The following SNTG1 variants were observed in gnomAD, a reference collection of about 807,000 sequenced individuals.
SNTG1 encodes the protein gamma-1-syntrophin.
In SNTG1, 39 loss-of-function variants were observed where a neutral mutation model predicts 74.7. The ratio of observed to expected loss-of-function variants is 0.52; its 90% CI spans 0.40 to 0.68. The LOEUF (loss-of-function observed/expected upper bound fraction) is 0.68, where lower values mean the gene tolerates loss of function less well. Among genes scored for constraint, SNTG1 ranks in the 30% least tolerant of loss-of-function variants. The probability of loss-of-function intolerance (pLI) is 0.00; values close to 1 mark genes in which losing one functional copy is unlikely to be tolerated. For missense variants in SNTG1, 685 were observed against 609.5 expected (o/e 1.12, Z -1.30); for synonymous variants, 254 against 217.1 (o/e 1.17, Z -1.49).
intron 11 of SNTG1, among the ~76,000 whole-genome samples, chr8:50,549,910 G>A (rs1210520140): frequency 1.3e-5 from 2 of 152,026 alleles, no homozygotes; most frequent in Non-Finnish European, 2.9e-5. Flanking sequence ...GAATCACATC[G>A]TTTCTAATGA....
At chr8:49,964,982 G>A (rs752294760) in intron 1 of SNTG1, among the ~76,000 whole-genome samples, 24 of 152,118 alleles carry the variant, frequency 1.6e-4, no homozygotes, top group Non-Finnish European at 2.9e-4. Context: ...TAGTTATTAA[G>A]GCAAGTTAAA....
intron 3 of SNTG1, among the ~76,000 whole-genome samples, chr8:50,394,846 C>CTCTT (rs2092707092): frequency 1.4e-5 from 2 of 143,556 alleles, no homozygotes; most frequent in African/African-American, 5.1e-5. Flanking sequence ...GAAAAACTAA[C>CTCTT]TTTTTTTTTT....
chr8:50,485,344 T>G (rs2131842216), intron 8 of SNTG1, among the ~76,000 whole-genome samples: 2 of 152,226 alleles, frequency 1.3e-5, no homozygotes, highest in Admixed American at 1.3e-4. Context: ...TTATGCAGAC[T>G]AGATTTGGGC....
intron 1 of SNTG1, among the ~76,000 whole-genome samples, chr8:50,075,485 G>A (rs1044494991): frequency 6.6e-6 from 1 of 152,200 alleles, no homozygotes; most frequent in African/African-American, 2.4e-5. Context: ...CTCAGGGATT[G>A]TAAACGCATT....
chr8:50,793,111 T>C lies in SNTG1; in HGVS notation c.*282T>C. 3.8e-6 allele frequency: 1 copy of C among 261,060 alleles called. No individual in the cohort carries two copies. Among genetic ancestry groups the C allele is most frequent in the Non-Finnish European group, 7.2e-6 (1 of 139,842 alleles). The allele number at this position is 261,060 out of a possible 1,614,324, so 16.2% of individuals were successfully genotyped here. On this transcript the variant is annotated 3_prime_UTR_variant, in exon 19 of 19. Transcript: ENST00000642720. The stretch of plus-strand genomic sequence containing the variant: ...AAGTGGAGACAAAAGAATAAATTAT[T>C]TGAAGAAGTATGTAAATAACATAAA...
intron 1 of SNTG1, among the ~76,000 whole-genome samples, chr8:49,930,667 C>T (rs1000933399): frequency 2.6e-5 from 4 of 151,988 alleles, no homozygotes; most frequent in Non-Finnish European, 4.4e-5. Context: ...AAACCACTTC[C>T]TTTCCATATT....
At chr8:50,385,376 T>C (rs143520848) in intron 2 of SNTG1, among the ~76,000 whole-genome samples, 1 of 152,176 alleles carries the variant, frequency 6.6e-6, no homozygotes, top group East Asian at 1.9e-4. Flanking sequence ...AACAACCTAT[T>C]CTTTACCTTA....
intron 13 of SNTG1, among the ~76,000 whole-genome samples, chr8:50,597,078 C>G (rs1372214211): frequency 6.6e-6 from 1 of 151,826 alleles, no homozygotes; most frequent in Non-Finnish European, 1.5e-5. Flanking sequence ...CACTCTTCCC[C>G]TCCCTAGCCT....
chr8:50,637,029 A>G (rs868532560), intron 13 of SNTG1, among the ~76,000 whole-genome samples: 14 of 152,190 alleles, frequency 9.2e-5, no homozygotes, highest in African/African-American at 3.4e-4. Flanking sequence ...AAGACAATAA[A>G]TTAAAAGAAT....
chr8:50,196,681 G>A (rs999474747), intron 2 of SNTG1, among the ~76,000 whole-genome samples: 1 of 152,002 alleles, frequency 6.6e-6, no homozygotes. Context: ...TATAGGCTGG[G>A]AGTGGTGGCT....
At chr8:50,598,257 T>G (rs1208028033) in intron 13 of SNTG1, among the ~76,000 whole-genome samples, 5 of 151,960 alleles carry the variant, frequency 3.3e-5, no homozygotes, top group African/African-American at 1.2e-4. Context: ...ACATTTTGAT[T>G]TGATTTTTGT....
chr8:50,658,804 TA>T (rs2095200070), intron 15 of SNTG1, 141 bp downstream of exon 15: 1 of 583,812 alleles, frequency 1.7e-6, no homozygotes, highest in Admixed American at 3.5e-5. Context: ...AGAAAGAAAA[TA>T]AACTGGACAA....
intron 2 of SNTG1, among the ~76,000 whole-genome samples, chr8:50,277,873 T>C (rs1449740906): frequency 6.6e-6 from 1 of 152,164 alleles, no homozygotes; most frequent in Non-Finnish European, 1.5e-5. Flanking sequence ...AGGTACCTAA[T>C]CAGGATTTAC....
intron 8 of SNTG1, among the ~76,000 whole-genome samples, chr8:50,450,958 T>C (rs2093451490): frequency 6.6e-6 from 1 of 152,206 alleles, no homozygotes; most frequent in Non-Finnish European, 1.5e-5. Flanking sequence ...GGTCATTTTC[T>C]ATGTTTTTCC....
intron 2 of SNTG1, among the ~76,000 whole-genome samples, chr8:50,193,907 T>C (rs1015989740): frequency 3.9e-5 from 6 of 152,170 alleles, no homozygotes; most frequent in African/African-American, 1.2e-4. Context: ...TCAAATGCTT[T>C]TTCTGCATCT....
chr8:50,475,317 C>G (rs2093688769), intron 8 of SNTG1, among the ~76,000 whole-genome samples: 1 of 151,934 alleles, frequency 6.6e-6, no homozygotes, highest in Non-Finnish European at 1.5e-5. Flanking sequence ...TAGTTTCTCA[C>G]AATTAAAATT....
Position 50,224,781 on chromosome 8 carries a change from A to T in SNTG1, c.-28+52146A>T, listed in dbSNP as rs2085245050. Among the ~76,000 whole-genome samples the T allele has an allele frequency of 1.3e-5, 2 of 152,152 alleles. 1 individual carries two copies. Among genetic ancestry groups the T allele is most frequent in the South Asian group, 4.1e-4 (2 of 4,832 alleles). The stretch of plus-strand genomic sequence containing the variant: ...ACAGAGACCTTAAGACTAACAAAGC[A>T]GACTCTGTAGCAATAAAATGCCAAC... On this transcript the variant is annotated intron_variant, in intron 2 of 18. Transcript: ENST00000642720.
intron 2 of SNTG1, among the ~76,000 whole-genome samples, chr8:50,225,238 C>T (rs1361932848): frequency 1.3e-5 from 2 of 152,102 alleles, no homozygotes; most frequent in Non-Finnish European, 2.9e-5. Flanking sequence ...TCCCAAAGTG[C>T]GTATTTTTAA....
chr8:49,918,495 G>A (rs1264575037), intron 1 of SNTG1, among the ~76,000 whole-genome samples: 1 of 152,026 alleles, frequency 6.6e-6, no homozygotes, highest in Non-Finnish European at 1.5e-5. Context: ...CTACTTTTGT[G>A]CCTACTCATA....
Sources: gnomAD v4.1 joint callset for allele counts (sites outside exome capture counted in the v4.1 genomes callset) on GRCh38, gnomAD v4.1.1 for gene constraint, MANE v1.5 for transcripts, NCBI Gene and HGNC (gene_info 2026-07-23, HGNC 2026-07-21) for gene names.